The following KCNK2 variants were observed in gnomAD, a reference collection of about 807,000 sequenced individuals.
KCNK2 encodes the protein potassium channel subfamily K member 2.
In KCNK2, 21 loss-of-function variants were observed where a neutral mutation model predicts 40.5. That is an observed-to-expected ratio of 0.52 (90% CI 0.37 to 0.75). The LOEUF (loss-of-function observed/expected upper bound fraction) is 0.75. Ranked by LOEUF, KCNK2 falls within the 30% of genes least tolerant of loss-of-function variation. The pLI is 0.00. For synonymous variants in KCNK2, 191 were observed against 202.2 expected, an observed-to-expected ratio of 0.94 and a Z score of 0.47; for missense variants, 399 against 531.6, an observed-to-expected ratio of 0.75 and a Z score of 2.45.
At chr1:215,222,586 A>C (rs1464848242) in intron 6 of KCNK2, among the ~76,000 whole-genome samples, 1 of 152,206 alleles carries the variant, frequency 6.6e-6, no homozygotes, top group South Asian at 2.1e-4. Flanking sequence ...AATATATGTA[A>C]CATTAAGAAG....
intron 6 of KCNK2, among the ~76,000 whole-genome samples, chr1:215,205,659 G>A (rs1206698668): frequency 1.3e-5 from 2 of 152,144 alleles, no homozygotes; most frequent in African/African-American, 4.8e-5. Context: ...ACTACAATGA[G>A]CAGAGTCCCC....
At chr1:215,187,539 TA>T (rs140608459) in intron 5 of KCNK2, among the ~76,000 whole-genome samples, 8,660 of 149,358 alleles carry the variant, frequency 0.058, 278 homozygotes, top group Middle Eastern at 0.14. Context: ...GTCCAAGACT[TA>T]AAAAAAAAAC....
intron 1 of KCNK2, among the ~76,000 whole-genome samples, chr1:215,053,747 A>T (rs888256397): frequency 1.3e-5 from 2 of 152,214 alleles, no homozygotes; most frequent in Non-Finnish European, 2.9e-5. Context: ...CAGGCAGATC[A>T]CTTAAGGCCA....
rs138800229 is a variant in KCNK2, at chr1:215,077,382, C to G, written c.35-8986C>G. Among the ~76,000 whole-genome samples, 109 of 152,270 alleles carry G rather than the reference C, an allele frequency of 7.2e-4. 2 individuals are homozygous for G. The highest frequency in any genetic ancestry group is 6.2e-3 in the South Asian group (30 of 4,828). On this transcript the variant is annotated intron_variant, in intron 1 of 6. Transcript: ENST00000391895. ...CACCCACTCCCCACATCCAAAGGGA[C>G]GCAGAGCCCTGTTGATCTACTGGCA...
intron 2 of KCNK2, among the ~76,000 whole-genome samples, chr1:215,091,744 C>T (rs987861916): frequency 2.6e-5 from 4 of 152,216 alleles, no homozygotes; most frequent in East Asian, 1.9e-4. Context: ...CAGATATGGT[C>T]ACTAAGGAGG....
intron 1 of KCNK2, among the ~76,000 whole-genome samples, chr1:215,035,825 C>T (rs1308085609): frequency 6.6e-6 from 1 of 151,944 alleles, no homozygotes; most frequent in East Asian, 1.9e-4. Context: ...TACTTTCGAA[C>T]CCAGCTGTGT....
chr1:215,007,641 C>T (rs187519422), intron 1 of KCNK2, among the ~76,000 whole-genome samples: 2 of 152,126 alleles, frequency 1.3e-5, no homozygotes, highest in East Asian at 3.9e-4. Context: ...TCTGCTGCCA[C>T]AAGTAGGAAA....
intron 1 of KCNK2, among the ~76,000 whole-genome samples, chr1:215,043,085 C>T (rs577345407): frequency 5.9e-5 from 9 of 152,242 alleles, no homozygotes; most frequent in Non-Finnish European, 1.3e-4. Context: ...AGTCAATATT[C>T]AAATCACTTC....
intron 1 of KCNK2, among the ~76,000 whole-genome samples, chr1:215,021,867 C>T (rs1242245217): frequency 6.6e-6 from 1 of 152,050 alleles, no homozygotes; most frequent in Non-Finnish European, 1.5e-5. Context: ...CTTCATCTGC[C>T]CTTGAATATC....
intron 3 of KCNK2, among the ~76,000 whole-genome samples, chr1:215,128,470 G>T (rs538604173): frequency 3.9e-5 from 6 of 152,130 alleles, no homozygotes. Flanking sequence ...AATCTCATTT[G>T]GGAGACAACA....
upstream of KCNK2, among the ~76,000 whole-genome samples, chr1:215,078,407 T>G (rs1404646962): frequency 6.6e-6 from 1 of 152,048 alleles, no homozygotes; most frequent in African/African-American, 2.4e-5. Flanking sequence ...AAAAAAGAGG[T>G]TTAATTAATT....
At chr1:215,093,720 AAAAATATATAAT>A (rs1659814184) in intron 2 of KCNK2, among the ~76,000 whole-genome samples, 1 of 89,410 alleles carries the variant, frequency 1.1e-5, no homozygotes, top group Non-Finnish European at 2.0e-5. Flanking sequence ...TATATTATAT[AAAAATATATAAT>A]ATATAATATA....
At chr1:215,094,701 G>A (rs1659903730) in intron 2 of KCNK2, among the ~76,000 whole-genome samples, 1 of 152,000 alleles carries the variant, frequency 6.6e-6, no homozygotes, top group Admixed American at 6.6e-5. Context: ...TATAAAACAT[G>A]AAAGTAGTCT....
At chr1:215,194,036 C>A (rs1664770241) in intron 5 of KCNK2, among the ~76,000 whole-genome samples, 1 of 151,978 alleles carries the variant, frequency 6.6e-6, no homozygotes, top group African/African-American at 2.4e-5. Context: ...ATGCAATATA[C>A]CCCATTGAGG....
At chr1:215,205,167 C>T (rs1484758934) in intron 6 of KCNK2, among the ~76,000 whole-genome samples, 4 of 152,102 alleles carry the variant, frequency 2.6e-5, no homozygotes, top group Non-Finnish European at 5.9e-5. Flanking sequence ...ACTTCCTCTT[C>T]TTTTTTGTGT....
intron 3 of KCNK2, among the ~76,000 whole-genome samples, chr1:215,157,504 G>T (rs1662986060): frequency 6.6e-6 from 1 of 152,174 alleles, no homozygotes; most frequent in Admixed American, 6.5e-5. Flanking sequence ...CAGAATGACT[G>T]CCATTCCTTC....
At chr1:215,208,945 G>A (rs113748314) in intron 6 of KCNK2, among the ~76,000 whole-genome samples, 144 of 151,464 alleles carry the variant, frequency 9.5e-4, no homozygotes, top group African/African-American at 3.3e-3. Context: ...CTCCTGTCTC[G>A]GCATGCATAG....
At chr1:215,217,247 T>C (rs1308359283) in intron 6 of KCNK2, among the ~76,000 whole-genome samples, 1 of 152,122 alleles carries the variant, frequency 6.6e-6, no homozygotes, top group Non-Finnish European at 1.5e-5. Flanking sequence ...ACCCATGCAA[T>C]TGTACATGGG....
chr1:215,077,127 C>T lies in KCNK2; in HGVS notation c.35-9241C>T, dbSNP rs146098166. Reference sequence around the variant, plus strand: ...GTGTGTCATAGGCCCATGCCTGAACCAGTTGAGAAGCTGAGAAATTCTGAC... The same window carrying T: ...GTGTGTCATAGGCCCATGCCTGAACTAGTTGAGAAGCTGAGAAATTCTGAC... On this transcript the variant is annotated intron_variant, in intron 1 of 6. Transcript: ENST00000391895. Among the ~76,000 whole-genome samples the T allele has an allele frequency of 4.7e-3, 711 of 152,314 alleles. 8 individuals are homozygous for T. The highest frequency in any genetic ancestry group is 0.019 in the Admixed American group (289 of 15,302).
Sources: allele counts gnomAD v4.1 joint callset (sites outside exome capture counted in the v4.1 genomes callset), GRCh38; gene constraint gnomAD v4.1.1; transcripts MANE v1.5; gene names NCBI Gene and HGNC (gene_info 2026-07-23, HGNC 2026-07-21).